The following MTR variants were observed in gnomAD, a reference collection of about 807,000 sequenced individuals.
MTR encodes 5-methyltetrahydrofolate-homocysteine methyltransferase, also known as methionine synthase.
In MTR, 84 loss-of-function variants were observed where a neutral mutation model predicts 154.8. The ratio of observed to expected loss-of-function variants is 0.54; its 90% CI spans 0.45 to 0.65. The LOEUF is 0.65. Ranked by LOEUF, MTR falls within the 30% of genes least tolerant of loss-of-function variation. MTR has a pLI of 0.00. For missense variants in MTR, 1,275 were observed against 1,570.2 expected, an observed-to-expected ratio of 0.81 and a Z score of 3.18; for synonymous variants, 554 against 553.9, an observed-to-expected ratio of 1.00 and a Z score of 0.00.
chr1:236,869,819 A>G (rs1029465556), intron 22 of MTR, among the ~76,000 whole-genome samples: 28 of 152,182 alleles, frequency 1.8e-4, no homozygotes, highest in African/African-American at 6.8e-4. Context: ...TAGCTAGTTC[A>G]GGACTCTGGG....
chr1:236,877,035 T>C (rs1035759393), intron 24 of MTR, among the ~76,000 whole-genome samples: 1 of 152,224 alleles, frequency 6.6e-6, no homozygotes, highest in Non-Finnish European at 1.5e-5. Flanking sequence ...TCTGGGAAAT[T>C]ACTTGGAAAA....
chr1:236,887,895 C>G (rs1666108617), intron 27 of MTR, among the ~76,000 whole-genome samples: 1 of 152,250 alleles, frequency 6.6e-6, no homozygotes, highest in Non-Finnish European at 1.5e-5. Context: ...TTCTCTCTGC[C>G]TTCCCAGGCG....
At chr1:236,865,479 GAGTGAGTCTAGCA>G (rs1369914581) in intron 22 of MTR, among the ~76,000 whole-genome samples, 2 of 152,186 alleles carry the variant, frequency 1.3e-5, no homozygotes, top group Non-Finnish European at 2.9e-5. Context: ...CTAGCCTAGT[GAGTGAGTCTAGCA>G]ACCTATCCTG....
intron 25 of MTR, among the ~76,000 whole-genome samples, chr1:236,881,455 T>C (rs1049590995): frequency 6.6e-6 from 1 of 152,088 alleles, no homozygotes; most frequent in African/African-American, 2.4e-5. Context: ...CCAAATTGAT[T>C]TCAGCCACAG....
chr1:236,817,426 G>A lies in MTR; in HGVS notation c.764+883G>A, dbSNP rs115602187. ...TCACTAGCGCAGGTCGATGTTCTTC[G>A]TTTACTTTTATTTTAGCTTTTGCCA... On this transcript the variant is annotated intron_variant, in intron 8 of 32. Transcript: ENST00000366577. Among the ~76,000 whole-genome samples, 1,010 of 152,062 alleles carry A rather than the reference G, an allele frequency of 6.6e-3. 7 individuals carry two copies. Among genetic ancestry groups the A allele is most frequent in the Non-Finnish European group, 0.012 (824 of 67,988 alleles).
Position 236,873,657 on chromosome 1 carries a change from A to C in MTR, c.2406-116A>C, listed in dbSNP as rs182972700. 172 of 850,288 alleles carry C rather than the reference A, an allele frequency of 2.0e-4. 3 individuals are homozygous for C. In the African/African-American group the frequency reaches 2.7e-3, roughly 13 times the overall value. The allele number at this position is 850,288 out of a possible 1,614,324, so 52.7% of individuals were successfully genotyped here. A position where few individuals can be genotyped will look rare whatever the true frequency, so the allele number is the denominator to read the frequency against. On this transcript the variant is annotated intron_variant, in intron 22 of 32. Transcript: ENST00000366577. ...TCCTCAATATTTAGTGAGCATTTCA[A>C]CTTGATTCTCGTTTACATTAGAGCA... is the stretch of plus-strand genomic sequence containing the variant.
At chr1:236,841,254 C>A (rs1208786095) in intron 15 of MTR, among the ~76,000 whole-genome samples, 1 of 152,210 alleles carries the variant, frequency 6.6e-6, no homozygotes, top group Non-Finnish European at 1.5e-5. Flanking sequence ...CAATATAGTT[C>A]ATTTTAGCTA....
intron 1 of MTR, among the ~76,000 whole-genome samples, chr1:236,796,520 C>G (rs929812690): frequency 2.6e-5 from 4 of 152,116 alleles, no homozygotes; most frequent in Non-Finnish European, 5.9e-5. Flanking sequence ...TATCCTATCA[C>G]ATAGTGGGGA....
chr1:236,826,396 A>C (rs1242119466), intron 10 of MTR, among the ~76,000 whole-genome samples: 1 of 152,272 alleles, frequency 6.6e-6, no homozygotes, highest in African/African-American at 2.4e-5. Flanking sequence ...TCCTGGGCTC[A>C]AGCGATCCTC....
At chr1:236,840,537 A>G (rs1663167786) in intron 15 of MTR, among the ~76,000 whole-genome samples, 1 of 152,178 alleles carries the variant, frequency 6.6e-6, no homozygotes, top group Non-Finnish European at 1.5e-5. Flanking sequence ...TGAGGAGGCA[A>G]CATTTGAAAA....
intron 29 of MTR, 92 bp from the exon 30 acceptor site, chr1:236,894,265 A>C: frequency 8.0e-7 from 1 of 1,254,956 alleles, no homozygotes; most frequent in Non-Finnish European, 1.2e-6. Flanking sequence ...GCTTATTCTC[A>C]TTTGACGATA....
At chr1:236,885,258 G>A (rs34991146) in intron 26 of MTR, 39 bp downstream of exon 26, 2 of 1,314,616 alleles carry the variant, frequency 1.5e-6, no homozygotes, top group South Asian at 1.2e-5. Context: ...TTTTTAATGT[G>A]ACTGTTTTTT....
intron 14 of MTR, 80 bp from the exon 15 acceptor site, chr1:236,838,334 G>A (rs1663025922): frequency 7.3e-7 from 1 of 1,379,254 alleles, no homozygotes; most frequent in Non-Finnish European, 1.0e-6. Context: ...AGAAGAAATA[G>A]GGAATACTTT....
At chr1:236,866,137 T>G (rs568428957) in intron 22 of MTR, among the ~76,000 whole-genome samples, 1 of 152,356 alleles carries the variant, frequency 6.6e-6, no homozygotes, top group South Asian at 2.1e-4. Flanking sequence ...GCTTTGCAGA[T>G]ACAGCATTTT....
intron 4 of MTR, among the ~76,000 whole-genome samples, chr1:236,809,098 A>G (rs988948151): frequency 6.6e-6 from 1 of 152,210 alleles, no homozygotes; most frequent in Non-Finnish European, 1.5e-5. Flanking sequence ...GCACATCATC[A>G]TGTCATTAAA....
intron 18 of MTR, among the ~76,000 whole-genome samples, chr1:236,853,678 CT>C (rs1379850756): frequency 1.3e-5 from 2 of 151,962 alleles, no homozygotes; most frequent in Non-Finnish European, 2.9e-5. Flanking sequence ...TCTTGTGTGG[CT>C]ATGTTAGTGT....
chr1:236,841,893 C>G (rs1018627047), intron 15 of MTR, among the ~76,000 whole-genome samples: 1 of 139,916 alleles, frequency 7.1e-6, no homozygotes, highest in Non-Finnish European at 1.6e-5. Flanking sequence ...TATTCTAACT[C>G]TTTTTTTTTT....
chr1:236,815,744 G>A, intron 7 of MTR, 81 bp downstream of exon 7: 3 of 1,350,480 alleles, frequency 2.2e-6, no homozygotes, highest in Non-Finnish European at 3.2e-6. Flanking sequence ...GCTTTGCATA[G>A]TAGAACTATT....
chr1:236,852,053 C>G (rs1037383284), intron 16 of MTR, among the ~76,000 whole-genome samples: 2 of 152,160 alleles, frequency 1.3e-5, no homozygotes, highest in Non-Finnish European at 2.9e-5. Context: ...GATTCTTGAG[C>G]CAATAATAGT....
Sources: gnomAD v4.1 joint callset for allele counts (sites outside exome capture counted in the v4.1 genomes callset) on GRCh38, gnomAD v4.1.1 for gene constraint, MANE v1.5 for transcripts, NCBI Gene and HGNC (gene_info 2026-07-23, HGNC 2026-07-21) for gene names.